The following SEL1L2 variants were observed in gnomAD, a reference collection of about 807,000 sequenced individuals.
The protein encoded by SEL1L2 is protein sel-1 homolog 2.
SEL1L2 carries 89 observed loss-of-function variants against 98.8 expected under a neutral mutation model. That is an observed-to-expected ratio of 0.90 (90% confidence interval 0.76 to 1.07). The LOEUF (loss-of-function observed/expected upper bound fraction) is 1.07, where lower values mean the gene tolerates loss of function less well. Ranked by LOEUF, SEL1L2 falls within the 50% of genes least tolerant of loss-of-function variation. The pLI is 0.00. For synonymous variants in SEL1L2, 262 were observed against 278.5 expected (o/e 0.94, Z 0.59); for missense variants, 788 against 812.0 (o/e 0.97, Z 0.36).
chr20:13,991,837 A>G (rs2052545352), upstream of SEL1L2, among the ~76,000 whole-genome samples: 1 of 152,148 alleles, frequency 6.6e-6, no homozygotes, highest in Non-Finnish European at 1.5e-5. Flanking sequence ...TACTAAAAAT[A>G]CAAAAATTAG....
intron 1 of SEL1L2, among the ~76,000 whole-genome samples, chr20:13,965,197 T>C (rs73097912): frequency 0.012 from 1,833 of 152,196 alleles, 12 homozygotes; most frequent in Non-Finnish European, 0.018. Context: ...CTGTGATGAA[T>C]GGAAAGCAGA....
chr20:13,853,384 T>G (rs1988597702), intron 18 of SEL1L2, among the ~76,000 whole-genome samples: 1 of 116,208 alleles, frequency 8.6e-6, no homozygotes, highest in Non-Finnish European at 1.9e-5. Context: ...ATTTTTGTAT[T>G]TTTTTTTTTT....
intron 2 of SEL1L2, among the ~76,000 whole-genome samples, chr20:13,953,547 G>A (rs1226746650): frequency 6.6e-6 from 1 of 152,152 alleles, no homozygotes; most frequent in Non-Finnish European, 1.5e-5. Flanking sequence ...AAGGGTCCCT[G>A]GAGAAACTCC....
intron 5 of SEL1L2, 123 bp from the exon 6 acceptor site, chr20:13,888,635 C>CCTTT: frequency 4.9e-6 from 1 of 203,634 alleles, no homozygotes; most frequent in Non-Finnish European, 8.2e-6. Flanking sequence ...CTTTCTTTCT[C>CCTTT]TTTTTTTTTT....
At chr20:13,894,761 C>A (rs1351144777) in intron 5 of SEL1L2, among the ~76,000 whole-genome samples, 1 of 152,100 alleles carries the variant, frequency 6.6e-6, no homozygotes, top group Admixed American at 6.5e-5. Flanking sequence ...GGATTAATTG[C>A]TGGAAAAATA....
At chr20:13,982,332 G>A (rs1039031702) in intron 1 of SEL1L2, among the ~76,000 whole-genome samples, 6 of 151,842 alleles carry the variant, frequency 4.0e-5, no homozygotes, top group African/African-American at 9.7e-5. Context: ...GCAACACAGC[G>A]AGATCCTCTC....
chr20:13,887,688 T>C (rs1318417942), intron 8 of SEL1L2, 81 bp downstream of exon 8: 13 of 864,782 alleles, frequency 1.5e-5, no homozygotes, highest in Non-Finnish European at 2.3e-5. Flanking sequence ...CATAAGTTTA[T>C]ATCAATTGAA....
In SEL1L2 at chr20:13,990,482, A is replaced by G. The variant is rs111414778; in HGVS notation, c.53T>C (p.Ile18Thr). Reference sequence around the variant, plus strand: ...CTAAGGACAAAAAAACTTACTTTTAATTGTGACCCCAAGAATTATCAATAT... The same window carrying G: ...CTAAGGACAAAAAAACTTACTTTTAGTTGTGACCCCAAGAATTATCAATAT... ...IEILIILGVT[I>T]KTIKAEEHNK... The change falls in exon 1 of 20, where the codon ATT becomes ACT. Residue 18 changes from isoleucine (I) to threonine (T), a missense_variant. Coordinates refer to ENST00000284951, the MANE Select transcript of SEL1L2 (RefSeq NM_025229.2). The G allele has an allele frequency of 5.0e-5, 80 of 1,610,914 alleles. 2 individuals carry two copies. In the African/African-American group the frequency reaches 8.7e-4, roughly 17 times the overall value.
intron 5 of SEL1L2, among the ~76,000 whole-genome samples, chr20:13,901,942 C>T (rs555342727): frequency 6.6e-6 from 1 of 152,302 alleles, no homozygotes; most frequent in East Asian, 1.9e-4. Flanking sequence ...GAATTACAGC[C>T]ATGAGCCACT....
Position 13,928,779 on chromosome 20 carries a change from T to C in SEL1L2, c.283+2824A>G, listed in dbSNP as rs147827313. On this transcript the variant is annotated intron_variant, in intron 3 of 19. Transcript: ENST00000284951. ...CAAAATGAAGTTTAATCCATATAAA[T>C]GTAAACTGCCTGTTAATGTAAAATG... Among the ~76,000 whole-genome samples the C allele has an allele frequency of 2.6e-5, 4 of 152,340 alleles. No individual in the cohort carries two copies. The East Asian group carries it at 7.7e-4, about 29-fold the overall frequency.
At chr20:13,863,219 T>C (rs534023767) in intron 17 of SEL1L2, among the ~76,000 whole-genome samples, 1 of 152,180 alleles carries the variant, frequency 6.6e-6, no homozygotes, top group Non-Finnish European at 1.5e-5. Flanking sequence ...CTAAGATTCC[T>C]CCTGGGCTAT....
At chr20:13,897,317 A>G (rs1311959369) in intron 5 of SEL1L2, among the ~76,000 whole-genome samples, 69 of 152,244 alleles carry the variant, frequency 4.5e-4, no homozygotes, top group Non-Finnish European at 3.8e-4. Flanking sequence ...AAGAAACTAT[A>G]GAGGAAAAGC....
chr20:13,948,024 T>A (rs566019267), intron 2 of SEL1L2, among the ~76,000 whole-genome samples: 44 of 152,296 alleles, frequency 2.9e-4, no homozygotes, highest in African/African-American at 8.9e-4. Context: ...CCAGGCCAAG[T>A]GGCCAGAATG....
chr20:13,905,766 T>C (rs1165634499), intron 5 of SEL1L2, among the ~76,000 whole-genome samples: 1 of 152,092 alleles, frequency 6.6e-6, no homozygotes, highest in African/African-American at 2.4e-5. Context: ...ATGTTGTGAA[T>C]TGAAAGAGAA....
chr20:13,898,583 C>T (rs1338469235), intron 5 of SEL1L2, among the ~76,000 whole-genome samples: 1 of 152,150 alleles, frequency 6.6e-6, no homozygotes, highest in Non-Finnish European at 1.5e-5. Flanking sequence ...CTTCCAGCAC[C>T]TGCTATTGTG....
chr20:13,869,738 C>A, intron 13 of SEL1L2, 148 bp from the exon 14 acceptor site: 1 of 578,904 alleles, frequency 1.7e-6, no homozygotes. Flanking sequence ...TATTTTATTT[C>A]ATTATTATAT....
At chr20:13,990,403 G>T in intron 1 of SEL1L2, 74 bp downstream of exon 1, 1 of 990,360 alleles carries the variant, frequency 1.0e-6, no homozygotes, top group Non-Finnish European at 1.6e-6. Flanking sequence ...TCTTTTAATT[G>T]GCTTCTGCCC....
At chr20:13,881,117 G>A (rs1339898654) in intron 10 of SEL1L2, among the ~76,000 whole-genome samples, 3 of 152,104 alleles carry the variant, frequency 2.0e-5, no homozygotes, top group Non-Finnish European at 2.9e-5. Flanking sequence ...AGATTCAAGC[G>A]ATTCTCCTGC....
intron 1 of SEL1L2, among the ~76,000 whole-genome samples, chr20:13,962,976 A>C (rs2148475281): frequency 6.6e-6 from 1 of 151,800 alleles, no homozygotes; most frequent in Non-Finnish European, 1.5e-5. Flanking sequence ...CTGAGGCGGG[A>C]GAATTGCTTG....
Sources: gnomAD v4.1 joint callset for allele counts (sites outside exome capture counted in the v4.1 genomes callset) on GRCh38, gnomAD v4.1.1 for gene constraint, MANE v1.5 for transcripts, NCBI Gene and HGNC (gene_info 2026-07-23, HGNC 2026-07-21) for gene names.